SLC20A2: variants seen among roughly 807,000 people sequenced by gnomAD.
The protein encoded by SLC20A2 is solute carrier family 20 member 2.
A neutral mutation model predicts 61.0 loss-of-function variants in SLC20A2; 30 were observed. That is an observed-to-expected ratio of 0.49 (90% CI 0.37 to 0.67). The LOEUF is 0.67. Ranked by LOEUF, SLC20A2 falls within the 30% of genes least tolerant of loss-of-function variation. The pLI is 0.00. For missense variants in SLC20A2, 626 were observed against 866.4 expected (o/e 0.72, Z 3.48); for synonymous variants, 351 against 353.3 (o/e 0.99, Z 0.07).
chr8:42,468,737 T>C (rs919723500), intron 2 of SLC20A2, among the ~76,000 whole-genome samples: 1 of 105,926 alleles, frequency 9.4e-6, no homozygotes, highest in Admixed American at 1.1e-4. Flanking sequence ...CCAGGGAGGC[T>C]GCCGGGCGGG....
chr8:42,435,891 CG>C (rs1804211925), intron 8 of SLC20A2, among the ~76,000 whole-genome samples: 1 of 151,930 alleles, frequency 6.6e-6, no homozygotes, highest in African/African-American at 2.4e-5. Context: ...CTGAGGTGGG[CG>C]GATCACCTGA....
chr8:42,434,569 G>A (rs1048253162), intron 8 of SLC20A2, among the ~76,000 whole-genome samples: 3 of 152,152 alleles, frequency 2.0e-5, no homozygotes, highest in Non-Finnish European at 4.4e-5. Flanking sequence ...GTGTGGCCCT[G>A]AGCATCAGAT....
chr8:42,536,362 G>A (rs185613341), intron 1 of SLC20A2: 8 of 152,320 alleles, frequency 5.3e-5, no homozygotes, highest in African/African-American at 7.2e-5. Context: ...TACCTGCAAC[G>A]TGTGTGTGTC....
intron 5 of SLC20A2, among the ~76,000 whole-genome samples, chr8:42,449,678 C>A (rs1477594394): frequency 1.3e-5 from 2 of 152,092 alleles, no homozygotes; most frequent in African/African-American, 2.4e-5. Flanking sequence ...TATAAATAAT[C>A]CATGCTTATC....
At chr8:42,487,279 G>A (rs1170407234) in intron 1 of SLC20A2, among the ~76,000 whole-genome samples, 2 of 149,434 alleles carry the variant, frequency 1.3e-5, no homozygotes, top group African/African-American at 2.5e-5. Context: ...CCGGGTTCAC[G>A]CCATTCTCCT....
At chr8:42,468,287 T>C (rs368511615) in intron 2 of SLC20A2, among the ~76,000 whole-genome samples, 6 of 152,186 alleles carry the variant, frequency 3.9e-5, no homozygotes, top group African/African-American at 1.4e-4. Flanking sequence ...GATTTGTCCT[T>C]CCTGAAAGCT....
chr8:42,443,669 C>T (rs944978729), intron 6 of SLC20A2, among the ~76,000 whole-genome samples: 23 of 151,934 alleles, frequency 1.5e-4, no homozygotes, highest in African/African-American at 5.3e-4. Flanking sequence ...TATGACCTGC[C>T]GCAAGTGGGC....
At position 42,442,100 on chromosome 8, in the gene SLC20A2, A is replaced by T. The variant is rs184099357; in HGVS notation, c.731-2447T>A. Among the ~76,000 whole-genome samples the T allele has an allele frequency of 4.7e-4, 71 of 152,144 alleles. No homozygotes were observed. The East Asian group carries it at 0.014, about 29-fold the overall frequency. ...AGGCATGAGCCACCACACTTGGCTA[A>T]TTTTGTATTTTTAATAGAAACAGGG... On this transcript the variant is annotated intron_variant, in intron 6 of 10. Coordinates refer to ENST00000520262, the MANE Select transcript of SLC20A2 (RefSeq NM_001257180.2).
intron 2 of SLC20A2, among the ~76,000 whole-genome samples, chr8:42,468,873 T>A (rs1455890320): frequency 6.6e-6 from 1 of 152,206 alleles, no homozygotes; most frequent in Non-Finnish European, 1.5e-5. Flanking sequence ...TGCAGAGTTT[T>A]GAATTCTCAG....
intron 1 of SLC20A2, among the ~76,000 whole-genome samples, chr8:42,488,268 C>T (rs1461728222): frequency 6.7e-6 from 1 of 150,186 alleles, no homozygotes; most frequent in Non-Finnish European, 1.5e-5. Flanking sequence ...TCACTGCAAC[C>T]TCTGCCTCCC....
chr8:42,435,364 C>T (rs1199027516), intron 8 of SLC20A2, among the ~76,000 whole-genome samples: 2 of 152,120 alleles, frequency 1.3e-5, no homozygotes, highest in Admixed American at 1.3e-4. Context: ...AGTGGACTCA[C>T]CATGACCGTG....
At chr8:42,506,023 C>T (rs1054489904), upstream of SLC20A2, among the ~76,000 whole-genome samples, 11 of 152,124 alleles carry the variant, frequency 7.2e-5, no homozygotes, top group African/African-American at 2.7e-4. Context: ...CTCACTGCAA[C>T]GTCCGCCTCC....
At chr8:42,511,403 C>T (rs1337956498) in intron 1 of SLC20A2, among the ~76,000 whole-genome samples, 3 of 152,060 alleles carry the variant, frequency 2.0e-5, no homozygotes, top group Non-Finnish European at 2.9e-5. Flanking sequence ...CCAAGGCAGG[C>T]GGATCACGAG....
At chr8:42,421,843 T>C (rs1803066138) in intron 10 of SLC20A2, among the ~76,000 whole-genome samples, 1 of 150,950 alleles carries the variant, frequency 6.6e-6, no homozygotes, top group South Asian at 2.1e-4. Context: ...AAATGTCTTT[T>C]TGGCTTATAT....
chr8:42,467,635 T>C (rs114182149), intron 2 of SLC20A2, among the ~76,000 whole-genome samples: 407 of 152,282 alleles, frequency 2.7e-3, no homozygotes, highest in African/African-American at 9.4e-3. Flanking sequence ...ACACACACAG[T>C]TGCTGCCATG....
At chr8:42,536,577 C>A (rs1464137992) in intron 1 of SLC20A2, 1 of 152,196 alleles carries the variant, frequency 6.6e-6, no homozygotes, top group Non-Finnish European at 1.5e-5. Flanking sequence ...AGAGAAATAC[C>A]ACTGTTCTTC....
intron 10 of SLC20A2, among the ~76,000 whole-genome samples, chr8:42,426,861 T>A (rs1275047924): frequency 6.6e-6 from 1 of 152,238 alleles, no homozygotes; most frequent in African/African-American, 2.4e-5. Context: ...AGAAAAGTCA[T>A]AAGCCCGTGT....
Position 42,465,822 on chromosome 8 carries a change from C to A in SLC20A2, c.385G>T (p.Ala129Ser). The A allele has an allele frequency of 6.2e-7, 1 of 1,613,694 alleles. No homozygotes were observed. Among genetic ancestry groups the A allele is most frequent in the Non-Finnish European group, 8.5e-7 (1 of 1,179,836 alleles). ...VGSTIGFSLV[A>S]IGTKGVQWME... is the part of the protein sequence containing the mutation. ...CACTGCACACCTTTGGTACCGATTGCGACCAGTGAGAATCCTATAGTAGAA... is the reference window on the plus strand; with the variant it reads ...CACTGCACACCTTTGGTACCGATTGAGACCAGTGAGAATCCTATAGTAGAA... Residue 129 changes from alanine (A) to serine (S), a missense_variant, in exon 3 of 11, where the codon GCA becomes TCA. Ala to Ser is a moderately conservative substitution (Grantham distance 99). Coordinates refer to ENST00000520262, the MANE Select transcript of SLC20A2 (RefSeq NM_001257180.2).
intron 1 of SLC20A2, among the ~76,000 whole-genome samples, chr8:42,520,215 T>C (rs1811562479): frequency 6.6e-6 from 1 of 150,774 alleles, no homozygotes; most frequent in African/African-American, 2.4e-5. Flanking sequence ...GGTTTCACCA[T>C]GTTGGCCAGG....
Sources: gnomAD v4.1 joint callset for allele counts (sites outside exome capture counted in the v4.1 genomes callset) on GRCh38, gnomAD v4.1.1 for gene constraint, MANE v1.5 for transcripts, NCBI Gene and HGNC (gene_info 2026-07-23, HGNC 2026-07-21) for gene names.